Variants in TCF4 observed in about 807,000 individuals in gnomAD.
TCF4 encodes transcription factor 4.
TCF4 carries 3 observed loss-of-function variants against 82.1 expected under a neutral mutation model. The ratio of observed to expected loss-of-function variants is 0.04; its 90% confidence interval spans 0.02 to 0.09. TCF4 has a LOEUF of 0.09. Ranked by LOEUF, TCF4 falls within the 10% of genes least tolerant of loss-of-function variation. The pLI, the probability that TCF4 is intolerant of heterozygous loss-of-function variation, is 1.00. For missense variants in TCF4, 518 were observed against 852.7 expected (o/e 0.61, Z 4.89); for synonymous variants, 276 against 309.6 (o/e 0.89, Z 1.14).
chr18:55,301,276 C>A (rs187067560), intron 8 of TCF4, among the ~76,000 whole-genome samples: 7 of 152,176 alleles, frequency 4.6e-5, no homozygotes, highest in Non-Finnish European at 1.0e-4. Flanking sequence ...GAATGTAATA[C>A]AGTAGGTAAA....
intron 3 of TCF4, among the ~76,000 whole-genome samples, chr18:55,559,339 G>A (rs1396798654): frequency 2.6e-5 from 4 of 152,004 alleles, no homozygotes; most frequent in African/African-American, 9.7e-5. Context: ...ATAAGTTCCT[G>A]TAAAAGTGGA....
chr18:55,528,451 C>G (rs1328133483), intron 3 of TCF4, among the ~76,000 whole-genome samples: 1 of 152,224 alleles, frequency 6.6e-6, no homozygotes, highest in Non-Finnish European at 1.5e-5. Flanking sequence ...TGGAAATACT[C>G]TTTAACTGAA....
chr18:55,331,680 T>C (rs1272128873), intron 8 of TCF4, among the ~76,000 whole-genome samples: 3 of 152,212 alleles, frequency 2.0e-5, no homozygotes, highest in East Asian at 3.8e-4. Context: ...CAATTTTCAA[T>C]AGAGCTATAT....
At chr18:55,285,621 A>G (rs1478557680) in intron 8 of TCF4, among the ~76,000 whole-genome samples, 1 of 152,244 alleles carries the variant, frequency 6.6e-6, no homozygotes, top group Non-Finnish European at 1.5e-5. Context: ...ACTAGTTACC[A>G]TACTGAACAT....
chr18:55,223,727 A>G lies in TCF4; in HGVS notation c.*4308T>C, dbSNP rs867154485. 2 of 145,250 alleles carry G rather than the reference A, an allele frequency of 1.4e-5. No homozygotes were observed. The highest frequency in any genetic ancestry group is 5.1e-5 in the African/African-American group (2 of 39,146). 9.0% of individuals were successfully genotyped at this position (145,250 alleles called of 1,614,324 possible). On this transcript the variant is annotated 3_prime_UTR_variant, in exon 20 of 20. Transcript: ENST00000354452. ...GTTTTCCCTTTTTTTTTTTTTAACA[A>G]TTTTTTTAAGTTTTTAATGCTGCAG...
At chr18:55,471,878 A>G (rs959550126) in intron 3 of TCF4, among the ~76,000 whole-genome samples, 1 of 152,196 alleles carries the variant, frequency 6.6e-6, no homozygotes, top group Non-Finnish European at 1.5e-5. Flanking sequence ...TTCCTAACCA[A>G]ATAAATCTGA....
intron 11 of TCF4, chr18:55,265,825 AG>A (rs926309281): frequency 2.0e-5 from 3 of 152,218 alleles, no homozygotes; most frequent in African/African-American, 7.2e-5. Flanking sequence ...TAGATATTCC[AG>A]GGTAATCTTT....
At position 55,573,731 on chromosome 18, in the gene TCF4, C is replaced by T. The variant is rs9955888; in HGVS notation, c.145+11549G>A. On this transcript the variant is annotated intron_variant, in intron 3 of 19. Transcript: ENST00000354452. Reference sequence around the variant, plus strand: ...TCCCCTTGATCAGATATCCCTATTGCAAACTCTTCTCAGGCCACACACCTC... The same window carrying T: ...TCCCCTTGATCAGATATCCCTATTGTAAACTCTTCTCAGGCCACACACCTC... Among the ~76,000 whole-genome samples, 455 of 152,312 alleles carry T rather than the reference C, an allele frequency of 3.0e-3. 2 individuals are homozygous for T. Among genetic ancestry groups the T allele is most frequent in the African/African-American group, 0.011 (439 of 41,568 alleles).
At chr18:55,456,667 C>T (rs1033002177) in intron 5 of TCF4, among the ~76,000 whole-genome samples, 5 of 152,098 alleles carry the variant, frequency 3.3e-5, no homozygotes, top group Admixed American at 6.5e-5. Flanking sequence ...TGGACAATTA[C>T]CTGCAAAAGT....
At chr18:55,566,950 G>A (rs1193440736) in intron 3 of TCF4, among the ~76,000 whole-genome samples, 3 of 152,076 alleles carry the variant, frequency 2.0e-5, no homozygotes, top group African/African-American at 4.8e-5. Context: ...ACTGCTAAAT[G>A]CCAAAAAACA....
chr18:55,514,688 T>G (rs2096863749), intron 3 of TCF4, among the ~76,000 whole-genome samples: 1 of 152,142 alleles, frequency 6.6e-6, no homozygotes, highest in Non-Finnish European at 1.5e-5. Flanking sequence ...AGCATTTGAT[T>G]TTTTTTGGAC....
chr18:55,237,877 A>G (rs767363327), intron 15 of TCF4, among the ~76,000 whole-genome samples: 3 of 152,220 alleles, frequency 2.0e-5, no homozygotes, highest in Non-Finnish European at 2.9e-5. Context: ...TTCTGGTCAC[A>G]TAAGAGACAA....
chr18:55,225,549 C>A lies in TCF4; in HGVS notation c.*2486G>T, dbSNP rs1187396995. ...ACCTGCTTCCTATATAATATTGTTC[C>A]TAGGGATACCCGCCTTGGTAGACTA... On this transcript the variant is annotated 3_prime_UTR_variant, in exon 20 of 20. Transcript: ENST00000354452. 6.6e-6 allele frequency: 1 copy of A among 152,394 alleles called. No individual in the cohort carries two copies. The highest frequency in any genetic ancestry group is 1.5e-5 in the Non-Finnish European group (1 of 67,950). The allele number at this position is 152,394 out of a possible 1,614,324, so 9.4% of individuals were successfully genotyped here.
At chr18:55,631,143 G>A (rs2097731178) in intron 2 of TCF4, among the ~76,000 whole-genome samples, 1 of 150,882 alleles carries the variant, frequency 6.6e-6, no homozygotes, top group African/African-American at 2.4e-5. Flanking sequence ...TCTGCCTCCT[G>A]GGTTCAAGCA....
chr18:55,356,631 C>T (rs149139353), intron 6 of TCF4, among the ~76,000 whole-genome samples: 18 of 152,236 alleles, frequency 1.2e-4, no homozygotes, highest in African/African-American at 3.9e-4. Context: ...ATGTTACATT[C>T]GAACTCTTGC....
intron 3 of TCF4, among the ~76,000 whole-genome samples, chr18:55,581,642 T>C (rs1373425548): frequency 3.3e-5 from 5 of 152,084 alleles, no homozygotes; most frequent in Admixed American, 3.3e-4. Context: ...ATTCAGGATG[T>C]GACCACGTTA....
At chr18:55,603,461 T>C (rs369745468) in intron 2 of TCF4, among the ~76,000 whole-genome samples, 20 of 152,300 alleles carry the variant, frequency 1.3e-4, no homozygotes, top group Middle Eastern at 3.4e-3. Flanking sequence ...AGAATTAAGT[T>C]AGGTATTATT....
chr18:55,536,675 C>T (rs2097118168), intron 3 of TCF4, among the ~76,000 whole-genome samples: 1 of 152,082 alleles, frequency 6.6e-6, no homozygotes, highest in Admixed American at 6.5e-5. Context: ...CCAAAGACTG[C>T]CGATAGAAAC....
At chr18:55,362,423 A>G (rs1185260578) in intron 6 of TCF4, among the ~76,000 whole-genome samples, 1 of 139,528 alleles carries the variant, frequency 7.2e-6, no homozygotes, top group Non-Finnish European at 1.6e-5. Context: ...GGAAGGAAGG[A>G]AGGAAGGAAG....
Sources: gnomAD v4.1 joint callset for allele counts (sites outside exome capture counted in the v4.1 genomes callset) on GRCh38, gnomAD v4.1.1 for gene constraint, MANE v1.5 for transcripts, NCBI Gene and HGNC (gene_info 2026-07-23, HGNC 2026-07-21) for gene names.